Variants in PCTP observed in about 807,000 individuals in gnomAD.
PCTP encodes the protein START domain-containing protein 2.
A neutral mutation model predicts 31.0 loss-of-function variants in PCTP; 27 were observed. That is an observed-to-expected ratio of 0.87 (90% CI 0.64 to 1.20). The LOEUF is 1.20. PCTP is among the 50% of genes most tolerant of loss of function. The probability of loss-of-function intolerance (pLI) is 0.00; values close to 1 mark genes in which losing one functional copy is unlikely to be tolerated. For missense variants in PCTP, 287 were observed against 268.2 expected (o/e 1.07, Z -0.49); for synonymous variants, 108 against 101.2 (o/e 1.07, Z -0.40).
rs1179381316 is a variant in PCTP, at chr17:55,773,754, G to A, written c.370G>A (p.Asp124Asn). 1.2e-6 allele frequency: 2 copies of A among 1,613,884 alleles called. No homozygotes were observed. The highest frequency in any genetic ancestry group is 1.7e-5 in the Admixed American group (1 of 60,002). Residue 124 changes from aspartate (D) to asparagine (N), a missense_variant, in exon 4 of 6, where the codon GAC becomes AAC. Asp to Asn is a conservative substitution (Grantham distance 23). Transcript: ENST00000268896. ...CTACCTTCGGCAGCGGCGAGACCTG[G>A]ACATGGAAGGGAGGAAGATCCATGT... ...YVYLRQRRDL[D>N]MEGRKIHVIL...
At chr17:55,811,160 A>G (rs1258466268) in intron 3 of PCTP, among the ~76,000 whole-genome samples, 2 of 152,216 alleles carry the variant, frequency 1.3e-5, no homozygotes, top group South Asian at 2.1e-4. Flanking sequence ...CAGTTGTCAT[A>G]TATTTCAAAC....
At chr17:55,783,845 G>A (rs1911650192) in intron 2 of PCTP, among the ~76,000 whole-genome samples, 1 of 152,138 alleles carries the variant, frequency 6.6e-6, no homozygotes, top group Admixed American at 6.5e-5. Context: ...TAGGAAATGT[G>A]ACTTCAGCGA....
the PCTP span, among the ~76,000 whole-genome samples, chr17:55,851,493 T>C: frequency 6.6e-6 from 1 of 152,214 alleles, no homozygotes; most frequent in African/African-American, 2.4e-5. Context: ...TTTATTCTAC[T>C]ACATTCAGCT....
intron 3 of PCTP, among the ~76,000 whole-genome samples, chr17:55,812,227 A>T (rs564526532): frequency 6.6e-6 from 1 of 152,280 alleles, no homozygotes; most frequent in African/African-American, 2.4e-5. Flanking sequence ...GATGATAATA[A>T]TAATAATTAC....
At chr17:55,774,949 G>T in intron 5 of PCTP, 90 bp downstream of exon 5, 1 of 1,375,378 alleles carries the variant, frequency 7.3e-7, no homozygotes, top group Non-Finnish European at 1.0e-6. Flanking sequence ...AGGCTGAAGA[G>T]ACACATTGTC....
intron 1 of PCTP, among the ~76,000 whole-genome samples, chr17:55,762,768 A>T (rs1910406775): frequency 6.6e-6 from 1 of 152,182 alleles, no homozygotes; most frequent in African/African-American, 2.4e-5. Context: ...GTCCACATTT[A>T]AAACAGGGAT....
chr17:55,788,011 A>G (rs34207835), intron 3 of PCTP, among the ~76,000 whole-genome samples: 21,604 of 152,130 alleles, frequency 0.14, 1,597 homozygotes, highest in Middle Eastern at 0.2. Flanking sequence ...CTATTTTTCT[A>G]TCAATGCTGT....
chr17:55,823,776 A>C (rs1020205143), downstream of PCTP, among the ~76,000 whole-genome samples: 5 of 152,218 alleles, frequency 3.3e-5, no homozygotes, highest in African/African-American at 9.6e-5. Flanking sequence ...AACTTTTTCA[A>C]CACTGCATCA....
At chr17:55,839,068 A>G (rs1905870914) in intron 5 of PCTP, among the ~76,000 whole-genome samples, 1 of 152,232 alleles carries the variant, frequency 6.6e-6, no homozygotes, top group East Asian at 1.9e-4. Context: ...TCCATAGGAG[A>G]GCGCAGATAG....
chr17:55,781,818 C>A (rs1248975380), downstream of PCTP, among the ~76,000 whole-genome samples: 2 of 152,142 alleles, frequency 1.3e-5, no homozygotes, highest in African/African-American at 4.8e-5. Flanking sequence ...GCTATACCAT[C>A]TAGGTTTGTG....
intron 3 of PCTP, among the ~76,000 whole-genome samples, chr17:55,772,453 G>T (rs1032232201): frequency 1.7e-4 from 26 of 152,114 alleles, no homozygotes; most frequent in Admixed American, 7.2e-4. Context: ...AGCTGGGTGT[G>T]GTGGGCGCCT....
downstream of PCTP, among the ~76,000 whole-genome samples, chr17:55,827,122 TAGGG>T (rs1905425887): frequency 6.6e-6 from 1 of 152,022 alleles, no homozygotes; most frequent in Non-Finnish European, 1.5e-5. Flanking sequence ...TTTGTCTCAC[TAGGG>T]AGGCAAAGTC....
intron 3 of PCTP, among the ~76,000 whole-genome samples, chr17:55,816,612 A>T (rs758249644): frequency 6.6e-6 from 1 of 152,228 alleles, no homozygotes; most frequent in Non-Finnish European, 1.5e-5. Context: ...CCTATGAGTC[A>T]TAGCTTCCCC....
the PCTP span, among the ~76,000 whole-genome samples, chr17:55,848,482 C>T: frequency 1.3e-5 from 2 of 152,138 alleles, no homozygotes; most frequent in Admixed American, 1.3e-4. Context: ...GAACTAATGG[C>T]AATCATGAGA....
chr17:55,790,602 G>A (rs1347183100), intron 3 of PCTP, among the ~76,000 whole-genome samples: 138 of 151,038 alleles, frequency 9.1e-4, no homozygotes, highest in African/African-American at 3.3e-3. Flanking sequence ...TACAAGGGAT[G>A]TGAAGGACCT....
At chr17:55,811,031 T>C (rs1387565588) in intron 3 of PCTP, among the ~76,000 whole-genome samples, 1 of 152,194 alleles carries the variant, frequency 6.6e-6, no homozygotes, top group Non-Finnish European at 1.5e-5. Context: ...TACCCATCTA[T>C]AGAATGCCCT....
chr17:55,796,381 G>A (rs774653585), intron 3 of PCTP, among the ~76,000 whole-genome samples: 3 of 151,952 alleles, frequency 2.0e-5, no homozygotes, highest in Non-Finnish European at 4.4e-5. Flanking sequence ...ATGAAAGAGA[G>A]GAGATGACAA....
intron 5 of PCTP, among the ~76,000 whole-genome samples, chr17:55,831,951 C>T (rs1444881124): frequency 1.3e-5 from 2 of 152,140 alleles, no homozygotes; most frequent in African/African-American, 4.8e-5. Flanking sequence ...TGGTGGGCAC[C>T]TGTAGTCCCA....
chr17:55,784,452 A>G (rs191284850), intron 2 of PCTP, among the ~76,000 whole-genome samples: 473 of 152,152 alleles, frequency 3.1e-3, no homozygotes, highest in African/African-American at 9.5e-3. Context: ...GTGTAATAAT[A>G]ATAACAACCA....
Sources: gnomAD v4.1 joint callset for allele counts (sites outside exome capture counted in the v4.1 genomes callset) on GRCh38, gnomAD v4.1.1 for gene constraint, MANE v1.5 for transcripts, NCBI Gene and HGNC (gene_info 2026-07-23, HGNC 2026-07-21) for gene names.